Variants in HNF1B observed in about 807,000 individuals in gnomAD.
HNF1B encodes HNF1 homeobox B.
A neutral mutation model predicts 61.7 loss-of-function variants in HNF1B; 8 were observed. That is an observed-to-expected ratio of 0.13 (90% confidence interval 0.08 to 0.23). The LOEUF (loss-of-function observed/expected upper bound fraction) is 0.23, where lower values mean the gene tolerates loss of function less well. HNF1B is among the 10% of genes least tolerant of loss of function. HNF1B has a pLI of 1.00. For missense variants in HNF1B, 562 were observed against 714.5 expected, an observed-to-expected ratio of 0.79 and a Z score of 2.43; for synonymous variants, 314 against 287.7, an observed-to-expected ratio of 1.09 and a Z score of -0.93.
intron 4 of HNF1B, chr17:37,729,777 T>C (rs1310732505): frequency 6.6e-6 from 1 of 152,276 alleles, no homozygotes; most frequent in Non-Finnish European, 1.5e-5. Context: ...CTACCATTGC[T>C]CTGTGTCACT....
At chr17:37,716,613 T>G (rs1196623158) in intron 4 of HNF1B, among the ~76,000 whole-genome samples, 1 of 152,226 alleles carries the variant, frequency 6.6e-6, no homozygotes, top group Non-Finnish European at 1.5e-5. Context: ...TAGACCCTAC[T>G]GCGCCTGTGT....
Position 37,731,733 on chromosome 17 carries a change from G to T in HNF1B, c.907C>A (p.Arg303Ser). The T allele has an allele frequency of 6.2e-7, 1 of 1,614,118 alleles. No homozygotes were observed. The highest frequency in any genetic ancestry group is 8.5e-7 in the Non-Finnish European group (1 of 1,180,014). Residue 303 changes from arginine to serine, a missense_variant, in exon 4 of 9, where the codon CGC becomes AGC. By Grantham distance (110) the Arg-to-Ser change is moderately radical. Around this residue, in one of 6 missense-constraint regions of HNF1B, gnomAD observed 54 missense variants for 122.1 expected, o/e 0.44. Coordinates refer to ENST00000617811, the MANE Select transcript of HNF1B (RefSeq NM_000458.4). The part of the protein sequence containing the change: ...EVRVYNWFAN[R>S]RKEEAFRQKL... The stretch of plus-strand genomic sequence containing the variant: ...TGCCGGAATGCCTCCTCCTTCCTGC[G>T]GTTTGCAAACCAGTTGTAGACACGG...
intron 5 of HNF1B, 89 bp downstream of exon 5, chr17:37,710,414 A>C (rs1193144434): frequency 7.9e-6 from 12 of 1,519,472 alleles, no homozygotes; most frequent in Non-Finnish European, 1.1e-5. Flanking sequence ...ACAATGGTTC[A>C]TTGTTTGAGG....
chr17:37,737,278 C>T (rs1401085038), intron 2 of HNF1B, among the ~76,000 whole-genome samples: 2 of 152,176 alleles, frequency 1.3e-5, no homozygotes, highest in Non-Finnish European at 2.9e-5. Context: ...TCTAGGAAGC[C>T]TCCCATGATG....
Position 37,701,246 on chromosome 17 carries a change from T to A in HNF1B, c.1340-69A>T. 6 of 1,450,012 alleles carry A rather than the reference T, an allele frequency of 4.1e-6. No homozygotes were observed. In the Admixed American group the frequency reaches 1.2e-4, roughly 28 times the overall value. 89.8% of individuals were successfully genotyped at this position (1,450,012 alleles called of 1,614,324 possible). On this transcript the variant is annotated intron_variant, in intron 6 of 8. Coordinates refer to ENST00000617811, the MANE Select transcript of HNF1B (RefSeq NM_000458.4). ...AGGAGAGGTGGATGGATGCCATCATTTGAGCCCCCGCTCAATGTCCCAGTC... is the reference window on the plus strand; with the variant it reads ...AGGAGAGGTGGATGGATGCCATCATATGAGCCCCCGCTCAATGTCCCAGTC...
At chr17:37,692,021 A>G (rs2032220607) in intron 8 of HNF1B, among the ~76,000 whole-genome samples, 1 of 152,238 alleles carries the variant, frequency 6.6e-6, no homozygotes, top group South Asian at 2.1e-4. Context: ...AACTGAGGTC[A>G]GTGGTTGCTG....
At position 37,726,141 on chromosome 17, in the gene HNF1B, T is replaced by C. The variant is rs181312271; in HGVS notation, c.1045+5454A>G. ...GGAAAAGGAACTGCTGGGGGCTGTG[T>C]GTGTGTGTGTGTGTGTCTTTCTCTC... On this transcript the variant is annotated intron_variant, in intron 4 of 8. Transcript: ENST00000617811. Among the ~76,000 whole-genome samples, 10 of 151,862 alleles carry C rather than the reference T, an allele frequency of 6.6e-5. No individual in the cohort carries two copies. In the East Asian group the frequency reaches 1.9e-3, roughly 29 times the overall value.
chr17:37,724,936 G>GTA (rs879391778), intron 4 of HNF1B, among the ~76,000 whole-genome samples: 28 of 71,926 alleles, frequency 3.9e-4, no homozygotes, highest in South Asian at 6.0e-4. Flanking sequence ...GTGTGTGTGT[G>GTA]TATATATATA....
At chr17:37,698,495 T>C (rs764672634) in intron 8 of HNF1B, among the ~76,000 whole-genome samples, 9 of 152,206 alleles carry the variant, frequency 5.9e-5, no homozygotes, top group Non-Finnish European at 1.2e-4. Flanking sequence ...AAGTTGATTC[T>C]AAATTTCTTG....
rs1356185221 is a variant in HNF1B at position 37,745,007 on chromosome 17, C to T, written c.-123G>A. On this transcript the variant is annotated 5_prime_UTR_variant, in exon 1 of 9. Coordinates refer to ENST00000617811, the MANE Select transcript of HNF1B (RefSeq NM_000458.4). ...CCTCCACCCTTCAGCCTCCAGACACCTGTTACTCCCCGGGGTCCCGGAGGC... is the reference window on the plus strand; with the variant it reads ...CCTCCACCCTTCAGCCTCCAGACACTTGTTACTCCCCGGGGTCCCGGAGGC... The T allele has an allele frequency of 2.5e-6, 2 of 814,088 alleles. No homozygotes were observed. The highest frequency in any genetic ancestry group is 1.8e-5 in the South Asian group (1 of 57,124). The allele number at this position is 814,088 out of a possible 1,614,324, so 50.4% of individuals were successfully genotyped here.
In HNF1B at chr17:37,710,650, G is replaced by A; in HGVS notation, c.1059C>T (p.Ser353=). The A allele has an allele frequency of 6.2e-7, 1 of 1,613,966 alleles. No individual in the cohort carries two copies. Among genetic ancestry groups the A allele is most frequent in the Non-Finnish European group, 8.5e-7 (1 of 1,179,936 alleles). ...PPNKLSGVRY[S]QQGNNEITSS... ...AAGTGATCTCATTGTTTCCCTGCTG[G>A]CTGTAGCGCACTCCTGCAAAACAAC... The change falls in exon 5 of 9, where the codon AGC becomes AGT. Residue 353 remains serine (S), a synonymous_variant. Coordinates refer to ENST00000617811, the MANE Select transcript of HNF1B (RefSeq NM_000458.4).
chr17:37,694,542 C>T (rs552163146), intron 8 of HNF1B, among the ~76,000 whole-genome samples: 1 of 149,666 alleles, frequency 6.7e-6, no homozygotes, highest in East Asian at 2.0e-4. Context: ...CAGAAGAAGA[C>T]AGGAAGATGA....
chr17:37,697,680 GT>G (rs962788558), intron 8 of HNF1B, among the ~76,000 whole-genome samples: 61 of 152,268 alleles, frequency 4.0e-4, no homozygotes, highest in Non-Finnish European at 7.4e-4. Flanking sequence ...ACAGATAAAT[GT>G]TTTCCCTGCC....
At chr17:37,737,310 C>T (rs2033860896) in intron 2 of HNF1B, among the ~76,000 whole-genome samples, 1 of 152,186 alleles carries the variant, frequency 6.6e-6, no homozygotes, top group East Asian at 1.9e-4. Flanking sequence ...TTTAGCAATT[C>T]CTCTGCTGCC....
At chr17:37,704,400 G>T (rs559070665) in intron 6 of HNF1B, among the ~76,000 whole-genome samples, 3 of 152,246 alleles carry the variant, frequency 2.0e-5, no homozygotes, top group Non-Finnish European at 4.4e-5. Flanking sequence ...TTCACTGCTG[G>T]CCAAGGAGAT....
At chr17:37,691,522 G>A (rs77328117) in intron 8 of HNF1B, among the ~76,000 whole-genome samples, 2,169 of 152,240 alleles carry the variant, frequency 0.014, 52 homozygotes, top group African/African-American at 0.049. Flanking sequence ...ACTCAGAGCC[G>A]CTCAGGGGTG....
intron 2 of HNF1B, among the ~76,000 whole-genome samples, chr17:37,736,540 G>C (rs1431260707): frequency 6.6e-6 from 1 of 152,132 alleles, no homozygotes; most frequent in Non-Finnish European, 1.5e-5. Context: ...CCAGCCTGCA[G>C]GCTTGCAGGC....
At chr17:37,716,799 AT>A (rs1336072407) in intron 4 of HNF1B, among the ~76,000 whole-genome samples, 1 of 150,962 alleles carries the variant, frequency 6.6e-6, no homozygotes, top group Non-Finnish European at 1.5e-5. Flanking sequence ...GAATTCCATG[AT>A]TCCAGAGATC....
intron 5 of HNF1B, among the ~76,000 whole-genome samples, chr17:37,709,547 C>G (rs1478630485): frequency 6.6e-6 from 1 of 152,180 alleles, no homozygotes; most frequent in Non-Finnish European, 1.5e-5. Context: ...TGAGCCACTG[C>G]ACCTGGCCTA....
Sources: gnomAD v4.1 joint callset for allele counts (sites outside exome capture counted in the v4.1 genomes callset) on GRCh38, gnomAD v4.1.1 for gene constraint, gnomAD v4.1.1 regional missense constraint, MANE v1.5 for transcripts, NCBI Gene and HGNC (gene_info 2026-07-23, HGNC 2026-07-21) for gene names.